The following SEPSECS variants were observed in gnomAD, a reference collection of about 807,000 sequenced individuals.
SEPSECS encodes Sep (O-phosphoserine) tRNA:Sec (selenocysteine) tRNA synthase.
In SEPSECS, 42 loss-of-function variants were observed where a neutral mutation model predicts 52.1. The observed-to-expected ratio is 0.81, with a 90% CI of 0.63 to 1.04. The LOEUF is 1.04. SEPSECS is among the 50% of genes least tolerant of loss of function. The pLI is 0.00. For synonymous variants in SEPSECS, 216 were observed against 211.4 expected (o/e 1.02, Z -0.19); for missense variants, 590 against 610.6 (o/e 0.97, Z 0.36).
chr4:25,127,333 G>A lies in SEPSECS; in HGVS notation c.1051C>T (p.Gln351Ter). The change falls in exon 9 of 11, where the codon CAA (glutamine) becomes TAA (stop). Residue 351 changes from glutamine to a stop codon, truncating the protein, a stop_gained. Transcript: ENST00000382103. LOFTEE classifies it high-confidence loss of function. ...RKEMFSYLSN[Q>*]IKKLSEAYNE... ...TAGGCTTCTGACAACTTCTTTATTT[G>A]GTTGGACAAATATGAAAACATTTCC... 3 of 1,612,524 alleles carry A rather than the reference G, an allele frequency of 1.9e-6. No homozygotes were observed. Among genetic ancestry groups the A allele is most frequent in the Non-Finnish European group, 2.5e-6 (3 of 1,178,964 alleles).
chr4:25,159,005 C>T lies in SEPSECS; in HGVS notation c.217G>A (p.Gly73Arg), dbSNP rs777858037. 6.2e-7 allele frequency: 1 copy of T among 1,613,854 alleles called. No homozygotes were observed. Residue 73 changes from glycine (G) to arginine (R), a missense_variant, in exon 2 of 11, where the codon GGA (glycine) becomes AGA (arginine). Transcript: ENST00000382103. ...GATGCCACTCTCCCTTCCCTTTCTC[C>T]CACACCACAATTGCCTAAGAAATTG... Reference protein sequence around the residue: ...SNNFLGNCGVGEREGRVASAL... With the variant: ...SNNFLGNCGVREREGRVASAL...
chr4:25,148,065 G>C (rs1712072299), intron 6 of SEPSECS, among the ~76,000 whole-genome samples: 1 of 152,058 alleles, frequency 6.6e-6, no homozygotes. Context: ...TAAAAGCCTA[G>C]TAGAGGGCCA....
At position 25,126,782 on chromosome 4, in the gene SEPSECS, A is replaced by G. The variant is rs562578147; in HGVS notation, c.1120+482T>C. Among the ~76,000 whole-genome samples, 100 of 152,326 alleles carry G rather than the reference A, an allele frequency of 6.6e-4. 1 individual carries two copies. In the South Asian group the frequency reaches 0.02, roughly 30 times the overall value. Reference sequence around the variant, plus strand: ...AACATAAGAAAAGATTTAATTTCTGATATGTTGGGGTTTTGTTAACTGGAG... The same window carrying G: ...AACATAAGAAAAGATTTAATTTCTGGTATGTTGGGGTTTTGTTAACTGGAG... On this transcript the variant is annotated intron_variant, in intron 9 of 10. Transcript: ENST00000382103.
At chr4:25,128,369 A>G (rs2109487746) in intron 8 of SEPSECS, among the ~76,000 whole-genome samples, 1 of 152,224 alleles carries the variant, frequency 6.6e-6, no homozygotes, top group African/African-American at 2.4e-5. Context: ...AATTAAAAGA[A>G]TACAGCAACT....
At chr4:25,156,512 G>A (rs1712650148) in intron 3 of SEPSECS, among the ~76,000 whole-genome samples, 1 of 151,580 alleles carries the variant, frequency 6.6e-6, no homozygotes, top group Admixed American at 6.6e-5. Context: ...AGACCATCCT[G>A]GCTAACACGG....
chr4:25,124,929 C>G (rs1246159012), intron 10 of SEPSECS, among the ~76,000 whole-genome samples: 1 of 151,496 alleles, frequency 6.6e-6, no homozygotes, highest in African/African-American at 2.4e-5. Flanking sequence ...GTCAATTAGG[C>G]TCAACCTAAA....
At chr4:25,125,660 CAAAT>C (rs1306798654) in intron 10 of SEPSECS, 30 bp downstream of exon 10, 1 of 1,410,100 alleles carries the variant, frequency 7.1e-7, no homozygotes, top group Non-Finnish European at 1.0e-6. Context: ...TTTGAAAAGA[CAAAT>C]AAACCCATAT....
intron 10 of SEPSECS, 165 bp downstream of exon 10, chr4:25,125,529 C>T (rs997098119): frequency 4.6e-5 from 30 of 655,246 alleles, no homozygotes; most frequent in Non-Finnish European, 7.7e-5. Flanking sequence ...CACAGGTGGG[C>T]ATACAGTAGC....
At chr4:25,142,450 GT>G (rs567952720) in intron 8 of SEPSECS, among the ~76,000 whole-genome samples, 11 of 152,104 alleles carry the variant, frequency 7.2e-5, no homozygotes, top group South Asian at 2.1e-4. Context: ...TTTATTGCTG[GT>G]TTCCCCCATA....
chr4:25,137,351 G>A (rs556170969), intron 8 of SEPSECS, among the ~76,000 whole-genome samples: 14 of 151,944 alleles, frequency 9.2e-5, no homozygotes, highest in African/African-American at 2.4e-4. Context: ...TACAATGAAC[G>A]TAAACAAATT....
chr4:25,144,766 A>G lies in SEPSECS; in HGVS notation c.1026+8T>C, dbSNP rs781310458. The G allele has an allele frequency of 3.5e-5, 56 of 1,585,016 alleles. No individual in the cohort carries two copies. The highest frequency in any genetic ancestry group is 4.3e-5 in the Non-Finnish European group (50 of 1,154,210). ...GAATGTTATTCGACACCTAAAGGGA[A>G]AGCTTACCTTTCTTTCTTTTAGTAG... On this transcript the variant is annotated splice_region_variant and intron_variant, in intron 8 of 10. Coordinates refer to ENST00000382103, the MANE Select transcript of SEPSECS (RefSeq NM_016955.4).
In SEPSECS at chr4:25,124,146, A is replaced by C. The variant is rs572892329; in HGVS notation, c.1291T>G (p.Cys431Gly). ...GCTGATGCAGCATTGAGGTAAGCAC[A>C]AGGGTAATTATTTGTATGTGACATA... Reference protein sequence around the residue: ...GFMSHTNNYPCAYLNAASAIG... With the variant: ...GFMSHTNNYPGAYLNAASAIG... The change falls in exon 11 of 11, where the codon TGT (cysteine) becomes GGT (glycine). Residue 431 changes from cysteine (C) to glycine (G), a missense_variant. Cys to Gly is a radical substitution (Grantham distance 159). Coordinates refer to ENST00000382103, the MANE Select transcript of SEPSECS (RefSeq NM_016955.4). The C allele has an allele frequency of 7.4e-5, 120 of 1,613,742 alleles. No individual in the cohort carries two copies. In the Admixed American group the frequency reaches 1.9e-3, roughly 26 times the overall value.
intron 6 of SEPSECS, among the ~76,000 whole-genome samples, chr4:25,150,378 T>C (rs1304221402): frequency 1.3e-5 from 2 of 152,214 alleles, no homozygotes; most frequent in African/African-American, 4.8e-5. Context: ...AACCAGTTAT[T>C]AATTGTCCAT....
chr4:25,149,301 A>C (rs1035946513), intron 6 of SEPSECS, among the ~76,000 whole-genome samples: 1 of 152,010 alleles, frequency 6.6e-6, no homozygotes, highest in Non-Finnish European at 1.5e-5. Flanking sequence ...CCTGGCTTCA[A>C]GTGATCCACA....
chr4:25,157,048 A>T, intron 2 of SEPSECS, 74 bp from the exon 3 acceptor site: 1 of 856,276 alleles, frequency 1.2e-6, no homozygotes, highest in Admixed American at 1.7e-5. Context: ...AAATATGCAA[A>T]TGTAATAACC....
intron 8 of SEPSECS, 60 bp from the exon 9 acceptor site, chr4:25,127,417 G>A (rs1203607395): frequency 8.1e-7 from 1 of 1,232,302 alleles, no homozygotes; most frequent in Non-Finnish European, 1.2e-6. Context: ...GATTTAATAA[G>A]ACAAAAATCT....
At chr4:25,132,732 T>C (rs1336851838) in intron 8 of SEPSECS, among the ~76,000 whole-genome samples, 1 of 152,206 alleles carries the variant, frequency 6.6e-6, no homozygotes, top group African/African-American at 2.4e-5. Context: ...TAGAGAGCTT[T>C]TGGGGTTTTA....
At chr4:25,142,063 G>C (rs994110427) in intron 8 of SEPSECS, among the ~76,000 whole-genome samples, 5 of 152,220 alleles carry the variant, frequency 3.3e-5, no homozygotes, top group African/African-American at 1.2e-4. Context: ...GATCACATGA[G>C]GTCAGGAGTT....
rs757630688 is a variant in SEPSECS, at chr4:25,155,137, C to T, written c.562G>A (p.Val188Met). The T allele has an allele frequency of 6.2e-7, 1 of 1,614,088 alleles. No homozygotes were observed. Among genetic ancestry groups the T allele is most frequent in the African/African-American group, 1.3e-5 (1 of 75,038 alleles). ...SMITAGFEPVVIENVLEGDEL... is the reference protein window; with the variant it reads ...SMITAGFEPVMIENVLEGDEL... ...TCACCTTCCAAAACATTTTCTATCA[C>T]CACAGGCTCAAAACCTAACCAAACC... is the stretch of plus-strand genomic sequence containing the variant. Residue 188 changes from valine (V) to methionine (M), a missense_variant, in exon 5 of 11, where the codon GTG becomes ATG. Val to Met is a conservative substitution (Grantham distance 21). Transcript: ENST00000382103.
Sources: gnomAD v4.1 joint callset for allele counts (sites outside exome capture counted in the v4.1 genomes callset) on GRCh38, gnomAD v4.1.1 for gene constraint, MANE v1.5 for transcripts, NCBI Gene and HGNC (gene_info 2026-07-23, HGNC 2026-07-21) for gene names.